Variants in ELF1 observed in about 807,000 individuals in gnomAD.
ELF1 encodes ETS-related transcription factor Elf-1.
Under a neutral mutation model 59.9 loss-of-function variants are expected in ELF1, and 24 were observed. The ratio of observed to expected loss-of-function variants is 0.40; its 90% CI spans 0.29 to 0.56. The LOEUF is 0.56. Ranked by LOEUF, ELF1 falls within the 20% of genes least tolerant of loss-of-function variation. ELF1 has a pLI of 0.44. For missense variants in ELF1, 627 were observed against 742.2 expected (o/e 0.84, Z 1.80); for synonymous variants, 248 against 266.2 (o/e 0.93, Z 0.67).
At chr13:41,030,057 ATATATT>A (rs1318440649) in intron 1 of ELF1, among the ~76,000 whole-genome samples, 4 of 151,616 alleles carry the variant, frequency 2.6e-5, no homozygotes, top group African/African-American at 7.3e-5. Flanking sequence ...TACCATATAT[ATATATT>A]TATATTTATA....
At chr13:41,002,905 A>T (rs1008868298) in intron 1 of ELF1, among the ~76,000 whole-genome samples, 7 of 152,298 alleles carry the variant, frequency 4.6e-5, no homozygotes, top group African/African-American at 1.7e-4. Flanking sequence ...AAAACAAAAG[A>T]CATATAATAA....
chr13:40,935,664 A>C (rs1869717072), intron 8 of ELF1, among the ~76,000 whole-genome samples: 1 of 144,936 alleles, frequency 6.9e-6, no homozygotes, highest in African/African-American at 2.5e-5. Context: ...CTGACGCTAT[A>C]GCCAGATACC....
intron 1 of ELF1, among the ~76,000 whole-genome samples, chr13:41,004,083 T>C (rs184641154): frequency 6.6e-6 from 1 of 152,256 alleles, no homozygotes; most frequent in East Asian, 1.9e-4. Flanking sequence ...TGAAATCTAC[T>C]ATATGCCATT....
chr13:40,951,378 T>G lies in ELF1; in HGVS notation c.312A>C (p.Ala104=). 1 of 1,613,842 alleles carries G rather than the reference T, an allele frequency of 6.2e-7. No individual in the cohort carries two copies. Among genetic ancestry groups the G allele is most frequent in the Non-Finnish European group, 8.5e-7 (1 of 1,179,886 alleles). The change falls in exon 4 of 9, where the codon GCA becomes GCC. Residue 104 remains alanine (A), a synonymous_variant. Transcript: ENST00000239882. ...GGCCAGGGGAATCCATATTGAGGAG[T>G]GCCTCAGCAGCCTCAATAGTTTCAA... The part of the protein sequence containing the change: ...ETIETIEAAE[A]LLNMDSPGPM...
chr13:40,945,304 G>A (rs550526951), intron 5 of ELF1, among the ~76,000 whole-genome samples: 27 of 152,194 alleles, frequency 1.8e-4, no homozygotes, highest in African/African-American at 6.5e-4. Context: ...ATCATTCAAG[G>A]TGGTAATGTA....
chr13:41,060,914 T>TGCTGCTGCTGCCGCCGCCGCCGCC lies in ELF1; in HGVS notation c.-306_-305insGGCGGCGGCGGCGGCAGCAGCAGC, dbSNP rs878930377. On this transcript the variant is annotated 5_prime_UTR_variant, in exon 1 of 2. Transcript: ENST00000405737. ...GCCTCTGCGCTACTGAAGCTGCTGC[T>TGCTGCTGCTGCCGCCGCCGCCGCC]GCCGCCGCCGCCGCCGCCGCCGCCG... is the stretch of plus-strand genomic sequence containing the variant. 1.2e-5 allele frequency: 4 copies of TGCTGCTGCTGCCGCCGCCGCCGCC among 344,894 alleles called. 1 individual carries two copies. The highest frequency in any genetic ancestry group is 4.5e-5 in the African/African-American group (2 of 43,976). 21.4% of individuals were successfully genotyped at this position (344,894 alleles called of 1,614,324 possible).
intron 1 of ELF1, among the ~76,000 whole-genome samples, chr13:41,047,011 T>C (rs910814225): frequency 3.9e-5 from 6 of 152,230 alleles, no homozygotes; most frequent in African/African-American, 1.4e-4. Context: ...TAAACTTCTC[T>C]TCTCGCTTCA....
At position 40,968,848 on chromosome 13, in the gene ELF1, T is replaced by C. The variant is rs1459845091; in HGVS notation, c.73-9832A>G. The stretch of plus-strand genomic sequence containing the variant: ...AATCTTTCCACCTCAGCGACATGAA[T>C]AGCTGGGAGAACAGGCATGTGCCAC... On this transcript the variant is annotated intron_variant, in intron 2 of 8. Coordinates refer to ENST00000239882, the MANE Select transcript of ELF1 (RefSeq NM_172373.4). 3.3e-5 allele frequency among the ~76,000 whole-genome samples: 5 copies of C among 151,800 alleles called. No individual in the cohort carries two copies. The East Asian group carries it at 7.8e-4, about 24-fold the overall frequency.
intron 3 of ELF1, among the ~76,000 whole-genome samples, chr13:40,955,270 G>A (rs1315603662): frequency 3.3e-5 from 3 of 90,674 alleles, no homozygotes; most frequent in African/African-American, 5.6e-5. Context: ...CCGTCTGGGA[G>A]GGAGGTGGGG....
intron 1 of ELF1, among the ~76,000 whole-genome samples, chr13:41,044,545 G>A (rs1002962042): frequency 2.0e-5 from 3 of 152,206 alleles, no homozygotes; most frequent in African/African-American, 7.2e-5. Flanking sequence ...CATCTATTGA[G>A]ATAATCATGT....
At chr13:40,940,800 A>T in intron 8 of ELF1, 121 bp downstream of exon 8, 1 of 1,171,260 alleles carries the variant, frequency 8.5e-7, no homozygotes, top group South Asian at 1.7e-5. Flanking sequence ...GGTAACCAAG[A>T]ATTCTAGCTT....
At chr13:40,994,838 T>C (rs1394605165) in intron 1 of ELF1, among the ~76,000 whole-genome samples, 1 of 152,132 alleles carries the variant, frequency 6.6e-6, no homozygotes, top group Admixed American at 6.6e-5. Flanking sequence ...GACCCTTTAT[T>C]CTCCCAGTTA....
At chr13:40,982,424 G>A (rs1359789276) in intron 1 of ELF1, 142 bp from the exon 2 acceptor site, 3 of 401,398 alleles carry the variant, frequency 7.5e-6, no homozygotes, top group Non-Finnish European at 1.0e-5. Flanking sequence ...ATGCACATAC[G>A]CTCTTTTTTA....
At chr13:40,981,913 A>G (rs181090831) in intron 2 of ELF1, 70 bp downstream of exon 2, 3 of 1,516,500 alleles carry the variant, frequency 2.0e-6, no homozygotes, top group Non-Finnish European at 2.7e-6. Flanking sequence ...TTTAAAGGAA[A>G]TAATTTTCTG....
At chr13:41,033,381 T>C (rs559007630) in intron 1 of ELF1, among the ~76,000 whole-genome samples, 1 of 152,232 alleles carries the variant, frequency 6.6e-6, no homozygotes, top group Non-Finnish European at 1.5e-5. Flanking sequence ...CCAGGACACA[T>C]AGTATGTTCT....
intron 1 of ELF1, among the ~76,000 whole-genome samples, chr13:40,985,427 G>C (rs1306372914): frequency 6.6e-6 from 1 of 152,140 alleles, no homozygotes. Flanking sequence ...AAGCAAAACA[G>C]AACTAAAACT....
At chr13:40,958,162 A>C (rs992161169) in intron 3 of ELF1, among the ~76,000 whole-genome samples, 1 of 152,260 alleles carries the variant, frequency 6.6e-6, no homozygotes, top group African/African-American at 2.4e-5. Flanking sequence ...TTTCTAAGTG[A>C]TGAAAGTATT....
chr13:40,992,325 A>G (rs1208781748), intron 1 of ELF1, among the ~76,000 whole-genome samples: 1 of 152,224 alleles, frequency 6.6e-6, no homozygotes, highest in African/African-American at 2.4e-5. Flanking sequence ...TCCATTAGTA[A>G]GCATTGTATG....
intron 1 of ELF1, among the ~76,000 whole-genome samples, chr13:41,007,996 A>G (rs2138354148): frequency 6.6e-6 from 1 of 152,308 alleles, no homozygotes; most frequent in Middle Eastern, 3.4e-3. Context: ...CCCTCAAGCC[A>G]TGAGTCTACT....
Sources: allele counts gnomAD v4.1 joint callset (sites outside exome capture counted in the v4.1 genomes callset), GRCh38; gene constraint gnomAD v4.1.1; transcripts MANE v1.5; gene names NCBI Gene and HGNC (gene_info 2026-07-23, HGNC 2026-07-21).